Variants in CDC42BPA observed in about 807,000 individuals in gnomAD.
CDC42BPA encodes the protein serine/threonine-protein kinase MRCK alpha.
In CDC42BPA, 80 loss-of-function variants were observed where a neutral mutation model predicts 223.5. That is an observed-to-expected ratio of 0.36 (90% CI 0.30 to 0.43). CDC42BPA has a LOEUF of 0.43. CDC42BPA is among the 20% of genes least tolerant of loss of function. The probability of loss-of-function intolerance (pLI) is 1.00; values close to 1 mark genes in which losing one functional copy is unlikely to be tolerated. For missense variants in CDC42BPA, 1,743 were observed against 2,099.9 expected (o/e 0.83, Z 3.32); for synonymous variants, 694 against 718.6 (o/e 0.97, Z 0.55).
At chr1:227,313,289 A>G (rs1376738596) in intron 1 of CDC42BPA, among the ~76,000 whole-genome samples, 1 of 152,184 alleles carries the variant, frequency 6.6e-6, no homozygotes, top group Admixed American at 6.5e-5. Flanking sequence ...TTTTTCCTAG[A>G]TGTAATTTTA....
At chr1:227,123,380 C>G (rs913191458) in intron 11 of CDC42BPA, among the ~76,000 whole-genome samples, 1 of 152,052 alleles carries the variant, frequency 6.6e-6, no homozygotes, top group South Asian at 2.1e-4. Flanking sequence ...CTATTTAGGA[C>G]TATAAAATTC....
rs773453206 is a variant in CDC42BPA, at chr1:227,168,822, A to G, written c.600-8186T>C. On this transcript the variant is annotated intron_variant, in intron 5 of 36. Transcript: ENST00000366766. The stretch of plus-strand genomic sequence containing the variant: ...CCCTGGTGTTTCTTGAGCATCTCAA[A>G]TACATAAAATTATATCTTTCATCAA... Among the ~76,000 whole-genome samples the G allele has an allele frequency of 1.5e-4, 23 of 152,226 alleles. 1 individual carries two copies. The highest frequency in any genetic ancestry group is 1.2e-3 in the East Asian group (6 of 5,178).
At chr1:227,171,649 T>C (rs1178962699) in intron 5 of CDC42BPA, among the ~76,000 whole-genome samples, 1 of 151,688 alleles carries the variant, frequency 6.6e-6, no homozygotes, top group Non-Finnish European at 1.5e-5. Flanking sequence ...ACGATTACAT[T>C]GAAAGGGCAA....
At chr1:227,020,888 G>A (rs1024687465) in intron 32 of CDC42BPA, among the ~76,000 whole-genome samples, 20 of 152,114 alleles carry the variant, frequency 1.3e-4, no homozygotes, top group African/African-American at 4.3e-4. Context: ...AGAGATGTGC[G>A]ACTCTTCAGT....
chr1:227,161,753 T>C (rs1448709213), intron 5 of CDC42BPA, among the ~76,000 whole-genome samples: 1 of 152,196 alleles, frequency 6.6e-6, no homozygotes, highest in Non-Finnish European at 1.5e-5. Flanking sequence ...AAAGGCAAAG[T>C]GAGTAGCTGT....
At chr1:227,192,538 G>A (rs73092512) in intron 5 of CDC42BPA, among the ~76,000 whole-genome samples, 4,558 of 152,132 alleles carry the variant, frequency 0.03, 200 homozygotes, top group African/African-American at 0.1. Context: ...ATCCCTTTAC[G>A]TACTTCTCCT....
intron 34 of CDC42BPA, among the ~76,000 whole-genome samples, chr1:227,014,945 G>C (rs957852482): frequency 2.0e-5 from 3 of 152,106 alleles, no homozygotes; most frequent in Non-Finnish European, 4.4e-5. Context: ...TGTTAAAACA[G>C]AATAGTTCTC....
chr1:227,237,793 C>T (rs976232959), intron 2 of CDC42BPA, among the ~76,000 whole-genome samples: 1 of 144,410 alleles, frequency 6.9e-6, no homozygotes, highest in African/African-American at 2.6e-5. Context: ...GTAATCCCAG[C>T]ACTTTGGGAG....
intron 20 of CDC42BPA, among the ~76,000 whole-genome samples, chr1:227,071,152 G>A (rs928631603): frequency 6.6e-6 from 1 of 151,748 alleles, no homozygotes; most frequent in Non-Finnish European, 1.5e-5. Flanking sequence ...AATTTATTGA[G>A]CATCGACTAT....
chr1:227,131,181 G>A (rs1347203406), intron 10 of CDC42BPA, among the ~76,000 whole-genome samples: 1 of 152,060 alleles, frequency 6.6e-6, no homozygotes, highest in Non-Finnish European at 1.5e-5. Flanking sequence ...GACTTCTGAG[G>A]CACATAAATC....
chr1:227,263,953 A>G (rs1684543691), intron 1 of CDC42BPA, among the ~76,000 whole-genome samples: 1 of 152,184 alleles, frequency 6.6e-6, no homozygotes, highest in Non-Finnish European at 1.5e-5. Flanking sequence ...ATTTTAGTCT[A>G]AATTCATGCC....
At chr1:227,240,391 T>G (rs946838271) in intron 2 of CDC42BPA, among the ~76,000 whole-genome samples, 1 of 152,100 alleles carries the variant, frequency 6.6e-6, no homozygotes, top group East Asian at 1.9e-4. Flanking sequence ...ATTACATCAG[T>G]AGGCTTTTAT....
At chr1:227,042,274 C>G (rs1298395294) in intron 23 of CDC42BPA, among the ~76,000 whole-genome samples, 1 of 135,598 alleles carries the variant, frequency 7.4e-6, no homozygotes, top group African/African-American at 3.1e-5. Context: ...ATAATACCTC[C>G]CGAATTGCAC....
chr1:227,133,773 G>A lies in CDC42BPA; in HGVS notation c.1391-4542C>T, dbSNP rs200244307. ...ACAGATGCTTGAAGGCAGCATGCTCGTTGAGAGTCATCACCACTCCCTAAT... is the reference window on the plus strand; with the variant it reads ...ACAGATGCTTGAAGGCAGCATGCTCATTGAGAGTCATCACCACTCCCTAAT... On this transcript the variant is annotated intron_variant, in intron 10 of 36. Coordinates refer to ENST00000366766, the MANE Select transcript of CDC42BPA (RefSeq NM_001394014.1). 4.1e-3 allele frequency among the ~76,000 whole-genome samples: 619 copies of A among 151,910 alleles called. 19 individuals carry two copies. Among genetic ancestry groups the A allele is most frequent in the Admixed American group, 0.028 (433 of 15,254 alleles).
At chr1:227,305,201 T>C (rs1428200625) in intron 1 of CDC42BPA, among the ~76,000 whole-genome samples, 2 of 152,346 alleles carry the variant, frequency 1.3e-5, no homozygotes, top group East Asian at 1.9e-4. Flanking sequence ...AAAATTATAC[T>C]ATACTTGCAA....
Position 227,213,197 on chromosome 1 carries a change from T to C in CDC42BPA, c.293A>G (p.Asn98Ser), listed in dbSNP as rs985875390. 3.9e-6 allele frequency: 6 copies of C among 1,553,536 alleles called. No individual in the cohort carries two copies. The African/African-American group carries it at 6.8e-5, about 18-fold the overall frequency. Residue 98 changes from asparagine (N) to serine (S), a missense_variant, in exon 3 of 37, where the codon AAT becomes AGT. Coordinates refer to ENST00000366766, the MANE Select transcript of CDC42BPA (RefSeq NM_001394014.1). ...TTTCATGGCAAACACTTTATCTGCA[T>C]TTTTTAGTTTTACTACAGCAACCTA... is the stretch of plus-strand genomic sequence containing the variant. ...FGEVAVVKLK[N>S]ADKVFAMKIL...
At chr1:227,203,624 T>C (rs1002560509) in intron 3 of CDC42BPA, among the ~76,000 whole-genome samples, 1 of 152,138 alleles carries the variant, frequency 6.6e-6, no homozygotes, top group East Asian at 1.9e-4. Context: ...TAAGAATGTA[T>C]TAATAACAAA....
chr1:227,114,017 C>CAAA (rs374913161), intron 12 of CDC42BPA, among the ~76,000 whole-genome samples: 2 of 120,290 alleles, frequency 1.7e-5, no homozygotes, highest in South Asian at 2.4e-4. Flanking sequence ...GACTCCAACT[C>CAAA]AAAAAAAAAG....
intron 21 of CDC42BPA, among the ~76,000 whole-genome samples, chr1:227,056,565 A>T (rs563212937): frequency 1.6e-3 from 238 of 152,002 alleles, no homozygotes; most frequent in African/African-American, 5.1e-3. Flanking sequence ...TTTTTAAAAA[A>T]TTTTTTTGTA....
Sources: allele counts gnomAD v4.1 joint callset (sites outside exome capture counted in the v4.1 genomes callset), GRCh38; gene constraint gnomAD v4.1.1; transcripts MANE v1.5; gene names NCBI Gene and HGNC (gene_info 2026-07-23, HGNC 2026-07-21).